The following GCNT4 variants were observed in gnomAD, a reference collection of about 807,000 sequenced individuals.
The protein encoded by GCNT4 is beta-1,3-galactosyl-O-glycosyl-glycoprotein beta-1,6-N-acetylglucosaminyltransferase 4.
GCNT4 carries 17 observed loss-of-function variants against 31.3 expected under a neutral mutation model. The ratio of observed to expected loss-of-function variants is 0.54; its 90% CI spans 0.37 to 0.81. The LOEUF (loss-of-function observed/expected upper bound fraction) is 0.81. GCNT4 is among the 40% of genes least tolerant of loss of function. The pLI is 0.00. For missense variants in GCNT4, 503 were observed against 525.5 expected (o/e 0.96, Z 0.42); for synonymous variants, 158 against 190.6 (o/e 0.83, Z 1.41).
At position 75,029,711 on chromosome 5, in the gene GCNT4, A is replaced by G. The variant is rs145008839; in HGVS notation, c.327T>C (p.Asp109=). The change falls in exon 4 of 4, where the codon GAT becomes GAC. Residue 109 remains aspartate, a synonymous_variant. Transcript: ENST00000652361. The stretch of plus-strand genomic sequence containing the variant: ...CTCTTAGAGTCTGATAAATGTCACA[A>G]TCACTGGTCATTGCCACAACATCAT... ...EDDDVVAMTS[D]CDIYQTLRGY... 1,529 of 1,614,156 alleles carry G rather than the reference A, an allele frequency of 9.5e-4. 1 individual carries two copies. Among genetic ancestry groups the G allele is most frequent in the Non-Finnish European group, 1.2e-3 (1,406 of 1,180,024 alleles).
chr5:75,020,282 G>T, the GCNT4 span, among the ~76,000 whole-genome samples: 1 of 152,182 alleles, frequency 6.6e-6, no homozygotes, highest in African/African-American at 2.4e-5. Flanking sequence ...GGCACGGCAC[G>T]GCATGGCACG....
downstream of GCNT4, among the ~76,000 whole-genome samples, chr5:75,024,905 C>T (rs533051932): frequency 4.2e-5 from 6 of 141,384 alleles, no homozygotes; most frequent in African/African-American, 1.6e-4. Context: ...GAGCCGAGAT[C>T]GCACCACTGC....
rs544609284 is a variant in GCNT4 at position 75,026,572 on chromosome 5, A to G, written c.*2104T>C. The G allele has an allele frequency of 6.9e-6, 1 of 144,832 alleles. No homozygotes were observed. The highest frequency in any genetic ancestry group is 1.5e-5 in the Non-Finnish European group (1 of 67,430). The allele number at this position is 144,832 out of a possible 1,614,324, so 9.0% of individuals were successfully genotyped here. A position where few individuals can be genotyped will look rare whatever the true frequency, so the allele number is the denominator to read the frequency against. On this transcript the variant is annotated 3_prime_UTR_variant, in exon 4 of 4. Transcript: ENST00000652361. The stretch of plus-strand genomic sequence containing the variant: ...CTTTGCCTATACTACTACAGGTATC[A>G]CTCTCTGACATTGAAATGTCAATAG...
In GCNT4 at chr5:75,028,828, C is replaced by T; in HGVS notation, c.1210G>A (p.Asp404Asn). Residue 404 changes from aspartate (D) to asparagine (N), a missense_variant, in exon 4 of 4, where the codon GAT (aspartate) becomes AAT (asparagine). Physicochemically the swap from Asp to Asn is conservative, Grantham distance 23. Transcript: ENST00000652361. The stretch of plus-strand genomic sequence containing the variant: ...AATTTATTAGCAAACCAATGTCCAT[C>T]TTTGATAAGCCACCTTAATTCTGCA... Reference protein sequence around the residue: ...GAAELRWLIKDGHWFANKFDS... With the variant: ...GAAELRWLIKNGHWFANKFDS... 2 of 1,614,104 alleles carry T rather than the reference C, an allele frequency of 1.2e-6. No homozygotes were observed. Among genetic ancestry groups the T allele is most frequent in the Non-Finnish European group, 1.7e-6 (2 of 1,180,016 alleles).
chr5:75,023,533 AAGT>A (rs1742905836), downstream of GCNT4, among the ~76,000 whole-genome samples: 1 of 152,158 alleles, frequency 6.6e-6, no homozygotes, highest in Non-Finnish European at 1.5e-5. Context: ...CAAAAAAAAA[AAGT>A]AGTTTACAAT....
In GCNT4 at chr5:75,027,282, TAATA is replaced by T. The variant is rs901459697; in HGVS notation, c.*1390_*1393del. 3 of 111,534 alleles carry T rather than the reference TAATA, an allele frequency of 2.7e-5. No homozygotes were observed. Among genetic ancestry groups the T allele is most frequent in the Non-Finnish European group, 5.6e-5 (3 of 53,586 alleles). 6.9% of individuals were successfully genotyped at this position (111,534 alleles called of 1,614,324 possible). A position where few individuals can be genotyped will look rare whatever the true frequency, so the allele number is the denominator to read the frequency against. On this transcript the variant is annotated 3_prime_UTR_variant, in exon 4 of 4. Transcript: ENST00000652361. Reference sequence around the variant, plus strand: ...TAATATATATTCATTATATGTTATATAATATATATTTATATATATATAATTATAT... The same window carrying T: ...TAATATATATTCATTATATGTTATATTATATTTATATATATATAATTATAT...
chr5:75,022,875 T>C (rs1463414741), downstream of GCNT4, among the ~76,000 whole-genome samples: 1 of 152,216 alleles, frequency 6.6e-6, no homozygotes, highest in East Asian at 1.9e-4. Flanking sequence ...AAATTTCAGC[T>C]ATAACAAACA....
intron 3 of GCNT4, among the ~76,000 whole-genome samples, chr5:75,046,928 G>A (rs1580246977): frequency 6.6e-6 from 1 of 152,156 alleles, no homozygotes; most frequent in Non-Finnish European, 1.5e-5. Context: ...GAAAGTTGAC[G>A]GACAGTCTAC....
intron 3 of GCNT4, among the ~76,000 whole-genome samples, chr5:75,039,837 A>T (rs918771761): frequency 1.3e-5 from 2 of 152,222 alleles, no homozygotes; most frequent in African/African-American, 2.4e-5. Flanking sequence ...TTTTAAACAT[A>T]CAAATCAGAT....
At chr5:75,023,047 A>G (rs78921414), downstream of GCNT4, among the ~76,000 whole-genome samples, 1 of 152,140 alleles carries the variant, frequency 6.6e-6, no homozygotes, top group African/African-American at 2.4e-5. Context: ...AGCTGGTCAC[A>G]TTGTTGCTCA....
intron 3 of GCNT4, among the ~76,000 whole-genome samples, chr5:75,040,884 T>C (rs1487457775): frequency 5.3e-5 from 8 of 152,230 alleles, no homozygotes. Context: ...TTCAGAATTA[T>C]GTAGACAAAC....
At chr5:75,038,216 A>C (rs1421907181) in intron 3 of GCNT4, among the ~76,000 whole-genome samples, 2 of 152,240 alleles carry the variant, frequency 1.3e-5, no homozygotes, top group African/African-American at 4.8e-5. Context: ...AACAGAGGTA[A>C]ACATACTTTT....
At chr5:75,038,879 G>T (rs1743257049) in intron 3 of GCNT4, among the ~76,000 whole-genome samples, 1 of 152,108 alleles carries the variant, frequency 6.6e-6, no homozygotes, top group South Asian at 2.1e-4. Context: ...GACAGAGGAG[G>T]GATGCCCAAC....
the GCNT4 span, among the ~76,000 whole-genome samples, chr5:75,019,328 C>G: frequency 6.6e-6 from 1 of 152,232 alleles, no homozygotes; most frequent in Admixed American, 6.5e-5. Flanking sequence ...GACTTCCCAG[C>G]TTCCACAAGC....
chr5:75,032,875 GTGT>G (rs1561374208), intron 3 of GCNT4, among the ~76,000 whole-genome samples: 4 of 60,542 alleles, frequency 6.6e-5, no homozygotes, highest in Middle Eastern at 0.011. Context: ...AAATAGGGGT[GTGT>G]GTGTGTGTGT....
rs1245440963 is a variant in GCNT4, at chr5:75,028,033, A to T, written c.*643T>A. ...ATCCTCACCCCCTTCCTTAACTTTC[A>T]TACATTATAAATGCCCCCCAACAGT... On this transcript the variant is annotated 3_prime_UTR_variant, in exon 4 of 4. Transcript: ENST00000652361. The T allele has an allele frequency of 1.3e-5, 2 of 152,254 alleles. No homozygotes were observed. The highest frequency in any genetic ancestry group is 4.9e-5 in the African/African-American group (2 of 41,114). 9.4% of individuals were successfully genotyped at this position (152,254 alleles called of 1,614,324 possible).
At chr5:75,044,629 G>C (rs772936473) in intron 3 of GCNT4, among the ~76,000 whole-genome samples, 18 of 151,986 alleles carry the variant, frequency 1.2e-4, no homozygotes, top group Non-Finnish European at 1.8e-4. Context: ...TCATTGACCA[G>C]TGGCCATTCT....
At chr5:75,051,559 T>G (rs925538897) in intron 2 of GCNT4, among the ~76,000 whole-genome samples, 7 of 152,172 alleles carry the variant, frequency 4.6e-5, no homozygotes, top group Admixed American at 1.3e-4. Flanking sequence ...AACAGCACCG[T>G]CAGGTACAGG....
At chr5:75,039,180 G>A (rs1025252743) in intron 3 of GCNT4, among the ~76,000 whole-genome samples, 12 of 152,030 alleles carry the variant, frequency 7.9e-5, no homozygotes, top group African/African-American at 2.9e-4. Context: ...TGTCTCCCAG[G>A]TTCAAGCGAT....
Sources: allele counts gnomAD v4.1 joint callset (sites outside exome capture counted in the v4.1 genomes callset), GRCh38; gene constraint gnomAD v4.1.1; transcripts MANE v1.5; gene names NCBI Gene and HGNC (gene_info 2026-07-23, HGNC 2026-07-21).